MYO10: variants seen among roughly 807,000 people sequenced by gnomAD.
The protein encoded by MYO10 is myosin X.
Under a neutral mutation model 257.3 loss-of-function variants are expected in MYO10, and 133 were observed. That is an observed-to-expected ratio of 0.52 (90% CI 0.45 to 0.60). MYO10 has a LOEUF of 0.60. Ranked by LOEUF, MYO10 falls within the 20% of genes least tolerant of loss-of-function variation. MYO10 has a pLI of 0.00. For synonymous variants in MYO10, 1,104 were observed against 1,028.6 expected, an observed-to-expected ratio of 1.07 and a Z score of -1.40; for missense variants, 2,399 against 2,635.7, an observed-to-expected ratio of 0.91 and a Z score of 1.97.
chr5:16,913,555 T>C (rs910825836), intron 1 of MYO10, among the ~76,000 whole-genome samples: 7 of 152,130 alleles, frequency 4.6e-5, no homozygotes, highest in African/African-American at 1.4e-4. Flanking sequence ...ACTGTGGAGG[T>C]GGCCAGTGCC....
chr5:16,792,640 C>T (rs1417037020), intron 4 of MYO10, among the ~76,000 whole-genome samples: 2 of 152,124 alleles, frequency 1.3e-5, no homozygotes, highest in East Asian at 1.9e-4. Context: ...GCAGCACCTG[C>T]CTGCTTTTCT....
intron 8 of MYO10, 39 bp from the exon 9 acceptor site, chr5:16,779,687 G>T: frequency 8.1e-7 from 1 of 1,234,144 alleles, no homozygotes; most frequent in South Asian, 1.4e-5. Flanking sequence ...AGTTCTCCAG[G>T]ACAAGATGAA....
chr5:16,711,146 T>G lies in MYO10; in HGVS notation c.2029A>C (p.Arg677=), dbSNP rs889626497. Reference sequence around the variant, plus strand: ...CTTTTGTAAAAGTCCTGAAAGGGTCTTCGGACCGCATACCCAGCTTTGCGG... The same window carrying G: ...CTTTTGTAAAAGTCCTGAAAGGGTCGTCGGACCGCATACCCAGCTTTGCGG... ...RIRKAGYAVR[R]PFQDFYKRYK... Residue 677 remains arginine (R), a synonymous_variant, in exon 20 of 41, where the codon AGA becomes CGA. Transcript: ENST00000513610. 4 of 1,613,954 alleles carry G rather than the reference T, an allele frequency of 2.5e-6. No homozygotes were observed. The highest frequency in any genetic ancestry group is 1.6e-4 in the Middle Eastern group (1 of 6,062).
intron 2 of MYO10, among the ~76,000 whole-genome samples, chr5:16,868,066 C>T (rs920522874): frequency 2.0e-5 from 3 of 152,218 alleles, no homozygotes; most frequent in Admixed American, 1.3e-4. Context: ...ACTGATATCA[C>T]TCTAAACTAT....
intron 2 of MYO10, among the ~76,000 whole-genome samples, chr5:16,850,604 A>AAAAATG (rs1431989386): frequency 7.9e-5 from 12 of 151,752 alleles, no homozygotes; most frequent in African/African-American, 2.9e-4. Flanking sequence ...TTTTAGAAAG[A>AAAAATG]AAAATGAAAT....
intron 19 of MYO10, among the ~76,000 whole-genome samples, chr5:16,721,879 C>A (rs150790517): frequency 2.2e-4 from 33 of 152,296 alleles, no homozygotes; most frequent in Non-Finnish European, 4.6e-4. Context: ...GCCCTGTTCA[C>A]ACAGAGCCAG....
chr5:16,914,347 AGCTTCT>A lies in MYO10; in HGVS notation c.21+21435_21+21440del, dbSNP rs1463374340. 2.6e-5 allele frequency among the ~76,000 whole-genome samples: 4 copies of A among 152,226 alleles called. No homozygotes were observed. The South Asian group carries it at 8.3e-4, about 32-fold the overall frequency. ...GACAAACTTCCCAAGGACCTTCAGG[AGCTTCT>A]GCTGGAATACACTAAGAAGCCTGCA... On this transcript the variant is annotated intron_variant, in intron 1 of 40. Transcript: ENST00000513610.
At chr5:16,668,874 C>T (rs182236650) in intron 39 of MYO10, among the ~76,000 whole-genome samples, 2 of 152,280 alleles carry the variant, frequency 1.3e-5, no homozygotes, top group African/African-American at 4.8e-5. Flanking sequence ...GCCTCCAATC[C>T]TCTTTGCGGA....
At chr5:16,720,606 G>A (rs1023802604) in intron 19 of MYO10, among the ~76,000 whole-genome samples, 1 of 152,010 alleles carries the variant, frequency 6.6e-6, no homozygotes, top group African/African-American at 2.4e-5. Context: ...ATATAGGCAC[G>A]TGCCACCACA....
intron 2 of MYO10, among the ~76,000 whole-genome samples, chr5:16,832,225 C>T (rs1427125877): frequency 6.6e-6 from 1 of 152,044 alleles, no homozygotes; most frequent in African/African-American, 2.4e-5. Flanking sequence ...ACAGGTGTTC[C>T]CCACTGCACC....
intron 2 of MYO10, among the ~76,000 whole-genome samples, chr5:16,863,617 T>C (rs940361929): frequency 3.9e-5 from 6 of 152,238 alleles, no homozygotes; most frequent in Non-Finnish European, 8.8e-5. Context: ...TCTCAGGGTT[T>C]ACAATGCCAT....
intron 1 of MYO10, among the ~76,000 whole-genome samples, chr5:16,905,658 G>A (rs1364241376): frequency 6.6e-6 from 1 of 152,182 alleles, no homozygotes; most frequent in Non-Finnish European, 1.5e-5. Context: ...TACCTTGGAT[G>A]CAACTCACTT....
chr5:16,838,358 A>C (rs1427768737), intron 2 of MYO10, among the ~76,000 whole-genome samples: 1 of 152,238 alleles, frequency 6.6e-6, no homozygotes, highest in Non-Finnish European at 1.5e-5. Context: ...TTGCTGACAT[A>C]GAGGAAGTTT....
chr5:16,770,319 A>T (rs1160998723), intron 9 of MYO10, among the ~76,000 whole-genome samples: 1 of 152,192 alleles, frequency 6.6e-6, no homozygotes, highest in Non-Finnish European at 1.5e-5. Flanking sequence ...CACTCATCAC[A>T]TCTCTATTTT....
intron 1 of MYO10, among the ~76,000 whole-genome samples, chr5:16,901,389 G>T (rs1057185995): frequency 6.6e-6 from 1 of 152,120 alleles, no homozygotes; most frequent in Admixed American, 6.5e-5. Context: ...CACACAAGGT[G>T]GTGCCCAGCA....
chr5:16,828,264 G>A (rs530594957), intron 2 of MYO10, among the ~76,000 whole-genome samples: 3 of 152,222 alleles, frequency 2.0e-5, no homozygotes, highest in East Asian at 3.9e-4. Flanking sequence ...CAAAGAGAAC[G>A]TGGTGTGATT....
At chr5:16,823,884 G>A (rs532021778) in intron 2 of MYO10, among the ~76,000 whole-genome samples, 1 of 152,232 alleles carries the variant, frequency 6.6e-6, no homozygotes, top group South Asian at 2.1e-4. Context: ...AATAAACTGA[G>A]TTACTTTAAT....
chr5:16,858,106 G>C lies in MYO10; in HGVS notation c.120+19503C>G, dbSNP rs1744009920. Among the ~76,000 whole-genome samples, 3 of 152,200 alleles carry C rather than the reference G, an allele frequency of 2.0e-5. No homozygotes were observed. The South Asian group carries it at 6.2e-4, about 32-fold the overall frequency. ...AGACCATAGCAAGGCCTTTCCACAA[G>C]ACGCTACCTGCTGTGAACGCAGTCA... is the stretch of plus-strand genomic sequence containing the variant. On this transcript the variant is annotated intron_variant, in intron 2 of 40. Coordinates refer to ENST00000513610, the MANE Select transcript of MYO10 (RefSeq NM_012334.3).
chr5:16,895,109 G>T (rs1287754143), intron 1 of MYO10, among the ~76,000 whole-genome samples: 1 of 152,166 alleles, frequency 6.6e-6, no homozygotes, highest in Non-Finnish European at 1.5e-5. Flanking sequence ...CAAAATTACT[G>T]TTTTACAATG....
Sources: gnomAD v4.1 joint callset for allele counts (sites outside exome capture counted in the v4.1 genomes callset) on GRCh38, gnomAD v4.1.1 for gene constraint, MANE v1.5 for transcripts, NCBI Gene and HGNC (gene_info 2026-07-23, HGNC 2026-07-21) for gene names.